The following TPP2 variants were observed in gnomAD, a reference collection of about 807,000 sequenced individuals.
TPP2 encodes the protein tripeptidyl-peptidase 2.
TPP2 carries 34 observed loss-of-function variants against 155.9 expected under a neutral mutation model. That is an observed-to-expected ratio of 0.22 (90% confidence interval 0.17 to 0.29). TPP2 has a LOEUF of 0.29. TPP2 is among the 10% of genes least tolerant of loss of function. The pLI is 1.00. For synonymous variants in TPP2, 510 were observed against 529.4 expected, an observed-to-expected ratio of 0.96 and a Z score of 0.50; for missense variants, 1,028 against 1,522.3, an observed-to-expected ratio of 0.68 and a Z score of 5.40.
At chr13:102,613,550 G>A (rs932718168) in intron 2 of TPP2, among the ~76,000 whole-genome samples, 2 of 152,198 alleles carry the variant, frequency 1.3e-5, no homozygotes, top group Non-Finnish European at 2.9e-5. Flanking sequence ...GTAGAAGCCT[G>A]TGGGTTCCTT....
intron 25 of TPP2, among the ~76,000 whole-genome samples, chr13:102,659,821 A>G (rs1474643110): frequency 6.6e-6 from 1 of 152,210 alleles, no homozygotes; most frequent in Non-Finnish European, 1.5e-5. Context: ...AGACAGCATA[A>G]AGTTCTCATT....
chr13:102,674,157 C>G, intron 27 of TPP2, 126 bp from the exon 28 acceptor site: 1 of 969,834 alleles, frequency 1.0e-6, no homozygotes, highest in Non-Finnish European at 1.5e-6. Flanking sequence ...TTGTACGTAC[C>G]TGGATATACA....
chr13:102,599,151 G>A (rs1879234906), intron 1 of TPP2, among the ~76,000 whole-genome samples: 1 of 152,090 alleles, frequency 6.6e-6, no homozygotes, highest in South Asian at 2.1e-4. Context: ...TTGTGTCCAT[G>A]TGTACTCAAT....
chr13:102,597,991 A>T (rs1267025143), intron 1 of TPP2, among the ~76,000 whole-genome samples: 2 of 151,198 alleles, frequency 1.3e-5, no homozygotes, highest in Non-Finnish European at 3.0e-5. Context: ...TTTTTTTTTT[A>T]AACCTGAAAA....
At chr13:102,659,969 A>C (rs895834353) in intron 25 of TPP2, among the ~76,000 whole-genome samples, 4 of 127,302 alleles carry the variant, frequency 3.1e-5, no homozygotes, top group African/African-American at 1.3e-4. Context: ...GGGCTAAAAA[A>C]ATGACTGCAG....
At chr13:102,650,861 A>G (rs1043690306) in intron 23 of TPP2, among the ~76,000 whole-genome samples, 1 of 152,168 alleles carries the variant, frequency 6.6e-6, no homozygotes, top group African/African-American at 2.4e-5. Context: ...GCAGTAACTT[A>G]AAGCTGTTGA....
In TPP2 at chr13:102,623,014, A is replaced by C. The variant is rs1263240561; in HGVS notation, c.758A>C (p.Asn253Thr). The C allele has an allele frequency of 1.9e-6, 3 of 1,613,482 alleles. No homozygotes were observed. The highest frequency in any genetic ancestry group is 2.5e-6 in the Non-Finnish European group (3 of 1,179,886). Residue 253 changes from asparagine (N) to threonine (T), a missense_variant, in exon 6 of 30, where the codon AAC (asparagine) becomes ACC (threonine). Asn to Thr is a moderately conservative substitution (Grantham distance 65). Transcript: ENST00000376052. ...TCCGTTAATATATACGATGATGGAA[A>C]CCTGCTCTCCATTGTGACCAGTGGA... is the stretch of plus-strand genomic sequence containing the variant. ...NYSVNIYDDG[N>T]LLSIVTSGGA...
Position 102,663,725 on chromosome 13 carries a change from A to G in TPP2, c.3221A>G (p.His1074Arg). The change falls in exon 26 of 30, where the codon CAT becomes CGT. Residue 1074 changes from histidine to arginine, a missense_variant. This residue lies in a region of TPP2 where 179 missense variants were observed against 274.7 expected (regional missense o/e 0.65). Coordinates refer to ENST00000376052, the MANE Select transcript of TPP2 (RefSeq NM_001330588.2). ...CTTCCTCTGTACGTTGCACGACTTC[A>G]TCAATTGGATGCTGAAAAGGTTAGA... ...NYLPLYVARL[H>R]QLDAEKERMK... is the part of the protein sequence containing the mutation. 6.2e-7 allele frequency: 1 copy of G among 1,601,998 alleles called. No individual in the cohort carries two copies. Among genetic ancestry groups the G allele is most frequent in the Non-Finnish European group, 8.5e-7 (1 of 1,176,016 alleles).
intron 2 of TPP2, among the ~76,000 whole-genome samples, chr13:102,613,338 AT>A (rs1880462490): frequency 6.6e-6 from 1 of 152,230 alleles, no homozygotes; most frequent in Non-Finnish European, 1.5e-5. Context: ...ACAAGTGAGG[AT>A]TGATGAGGCT....
chr13:102,650,297 C>G (rs544062195), intron 23 of TPP2, among the ~76,000 whole-genome samples: 3 of 152,186 alleles, frequency 2.0e-5, no homozygotes, highest in Admixed American at 6.5e-5. Context: ...GCTAAGTAAG[C>G]CTGCTACATA....
At chr13:102,619,196 A>AGTAAGCAATCAAT (rs1306855078) in intron 5 of TPP2, among the ~76,000 whole-genome samples, 2 of 152,232 alleles carry the variant, frequency 1.3e-5, no homozygotes, top group African/African-American at 4.8e-5. Flanking sequence ...TTCTAGATAT[A>AGTAAGCAATCAAT]GTAAGCAATC....
intron 6 of TPP2, 187 bp from the exon 7 acceptor site, chr13:102,626,825 A>G (rs1375081202): frequency 2.5e-6 from 1 of 394,988 alleles, no homozygotes; most frequent in Non-Finnish European, 4.4e-6. Flanking sequence ...TATTCTGGAT[A>G]TAAAGCTCTT....
chr13:102,670,665 T>C (rs1321800046), intron 27 of TPP2, among the ~76,000 whole-genome samples: 1 of 152,126 alleles, frequency 6.6e-6, no homozygotes, highest in Non-Finnish European at 1.5e-5. Context: ...CCTGGGAGAG[T>C]CTAGGGCTGT....
At chr13:102,633,609 AAG>A (rs1325237784) in intron 10 of TPP2, among the ~76,000 whole-genome samples, 2 of 152,190 alleles carry the variant, frequency 1.3e-5, no homozygotes, top group African/African-American at 4.8e-5. Flanking sequence ...TATTACAGAT[AAG>A]AGAGATGTAC....
chr13:102,650,158 A>G (rs1435109525), intron 23 of TPP2, among the ~76,000 whole-genome samples: 3 of 152,090 alleles, frequency 2.0e-5, no homozygotes, highest in East Asian at 3.9e-4. Flanking sequence ...TTTCATTACA[A>G]ATTTATTATG....
At chr13:102,639,511 C>T (rs1882615190) in intron 15 of TPP2, among the ~76,000 whole-genome samples, 1 of 152,184 alleles carries the variant, frequency 6.6e-6, no homozygotes, top group African/African-American at 2.4e-5. Context: ...CACGCCATCT[C>T]CTTCAGGAAG....
Position 102,674,496 on chromosome 13 carries a change from G to A in TPP2, c.3579+6G>A, listed in dbSNP as rs753699920. 29 of 1,613,150 alleles carry A rather than the reference G, an allele frequency of 1.8e-5. No individual in the cohort carries two copies. The highest frequency in any genetic ancestry group is 6.6e-5 in the South Asian group (6 of 91,030). ...CTGATCTCTTTGACAATAAGGTAAC[G>A]TTTCTGCTTCTTGTTTCAGCAAAGT... On this transcript the variant is annotated splice_donor_region_variant and intron_variant, in intron 28 of 29. Transcript: ENST00000376052.
rs1885514675 is a variant in TPP2 at position 102,679,787 on chromosome 13, C to T, written c.*1471C>T. On this transcript the variant is annotated 3_prime_UTR_variant, in exon 30 of 30. Coordinates refer to ENST00000376052, the MANE Select transcript of TPP2 (RefSeq NM_001330588.2). ...AGCTCAGTAAAGGTAGGATGACTTCCCAAGGTTATACGGCTGATCAACTGT... is the reference window on the plus strand; with the variant it reads ...AGCTCAGTAAAGGTAGGATGACTTCTCAAGGTTATACGGCTGATCAACTGT... 1 of 152,156 alleles carries T rather than the reference C, an allele frequency of 6.6e-6. No homozygotes were observed. The highest frequency in any genetic ancestry group is 1.5e-5 in the Non-Finnish European group (1 of 68,032). 9.4% of individuals were successfully genotyped at this position (152,156 alleles called of 1,614,324 possible).
chr13:102,679,022 T>TC lies in TPP2; in HGVS notation c.*706_*707insC, dbSNP rs1489983788. The TC allele has an allele frequency of 6.6e-6, 1 of 152,582 alleles. No homozygotes were observed. The highest frequency in any genetic ancestry group is 1.5e-5 in the Non-Finnish European group (1 of 68,024). The allele number at this position is 152,582 out of a possible 1,614,324, so 9.5% of individuals were successfully genotyped here. A position where few individuals can be genotyped will look rare whatever the true frequency, so the allele number is the denominator to read the frequency against. ...AGACAGCTGAATCTTTATCAGGTAT[T>TC]GTAAAGATACACATATGATATGTTT... On this transcript the variant is annotated 3_prime_UTR_variant, in exon 30 of 30. Transcript: ENST00000376052.
Sources: allele counts gnomAD v4.1 joint callset (sites outside exome capture counted in the v4.1 genomes callset), GRCh38; gene constraint gnomAD v4.1.1; regional missense constraint gnomAD v4.1.1; transcripts MANE v1.5; gene names NCBI Gene and HGNC (gene_info 2026-07-23, HGNC 2026-07-21).